The following VGLL3 variants were observed in gnomAD, a reference collection of about 807,000 sequenced individuals.
VGLL3 encodes transcription cofactor vestigial-like protein 3.
VGLL3 carries 18 observed loss-of-function variants against 29.2 expected under a neutral mutation model. The ratio of observed to expected loss-of-function variants is 0.62; its 90% CI spans 0.43 to 0.91. VGLL3 has a LOEUF of 0.91. Ranked by LOEUF, VGLL3 falls within the 40% of genes least tolerant of loss-of-function variation. VGLL3 has a pLI of 0.00. For synonymous variants in VGLL3, 180 were observed against 151.8 expected (o/e 1.19, Z -1.36); for missense variants, 440 against 413.2 (o/e 1.06, Z -0.56).
intron 1 of VGLL3, among the ~76,000 whole-genome samples, 188 bp from the exon 2 acceptor site, chr3:86,978,990 A>T (rs1218118332): frequency 1.3e-5 from 2 of 152,208 alleles, no homozygotes; most frequent in Non-Finnish European, 1.5e-5. Flanking sequence ...ACTAAAAAAA[A>T]TACAACAAAA....
intron 2 of VGLL3, among the ~76,000 whole-genome samples, chr3:86,976,114 C>CA (rs534327126): frequency 2.1e-4 from 31 of 145,204 alleles, no homozygotes; most frequent in South Asian, 4.4e-4. Context: ...AACTCCATCT[C>CA]AAAAAAAAAA....
rs1400663701 is a variant in VGLL3 at position 86,940,273 on chromosome 3, T to G, written c.*6751A>C. Reference sequence around the variant, plus strand: ...TCGTAGAAAAGTTTTTGTTTGTTTTTTCATACTACTTATGGCAGAGTCCCT... The same window carrying G: ...TCGTAGAAAAGTTTTTGTTTGTTTTGTCATACTACTTATGGCAGAGTCCCT... On this transcript the variant is annotated 3_prime_UTR_variant, in exon 4 of 4. Coordinates refer to ENST00000398399, the MANE Select transcript of VGLL3 (RefSeq NM_016206.4). The G allele has an allele frequency of 1.3e-5, 2 of 152,528 alleles. No homozygotes were observed. The highest frequency in any genetic ancestry group is 6.5e-5 in the Admixed American group (1 of 15,280). The allele number at this position is 152,528 out of a possible 1,614,324, so 9.4% of individuals were successfully genotyped here. A position where few individuals can be genotyped will look rare whatever the true frequency, so the allele number is the denominator to read the frequency against.
In VGLL3 at chr3:86,940,749, G is replaced by A. The variant is rs1428160252; in HGVS notation, c.*6275C>T. Reference sequence around the variant, plus strand: ...ATATTATGAGACCTGCATTTGAAGAGTGAATAGAAATAAGAAAATGTTTTC... The same window carrying A: ...ATATTATGAGACCTGCATTTGAAGAATGAATAGAAATAAGAAAATGTTTTC... On this transcript the variant is annotated 3_prime_UTR_variant, in exon 4 of 4. Coordinates refer to ENST00000398399, the MANE Select transcript of VGLL3 (RefSeq NM_016206.4). 6.6e-6 allele frequency: 1 copy of A among 151,808 alleles called. No homozygotes were observed. Among genetic ancestry groups the A allele is most frequent in the East Asian group, 1.9e-4 (1 of 5,194 alleles). 9.4% of individuals were successfully genotyped at this position (151,808 alleles called of 1,614,324 possible).
intron 3 of VGLL3, chr3:86,962,175 A>T (rs1309143341): frequency 2.0e-6 from 2 of 985,278 alleles, no homozygotes; most frequent in Non-Finnish European, 2.4e-6. Context: ...AGCATTTTTC[A>T]CGTGGAGGGC....
At chr3:86,955,257 A>T (rs1168608893) in intron 3 of VGLL3, among the ~76,000 whole-genome samples, 1 of 152,224 alleles carries the variant, frequency 6.6e-6, no homozygotes, top group East Asian at 1.9e-4. Context: ...CCTATTTGAT[A>T]TAAGTAATCA....
At chr3:86,948,760 T>C (rs542281114) in intron 3 of VGLL3, among the ~76,000 whole-genome samples, 1 of 152,218 alleles carries the variant, frequency 6.6e-6, no homozygotes, top group East Asian at 1.9e-4. Context: ...AAGCAATAGT[T>C]TTCCTTTCCC....
intron 3 of VGLL3, among the ~76,000 whole-genome samples, chr3:86,957,153 T>C (rs1309370266): frequency 1.3e-5 from 2 of 152,228 alleles, no homozygotes; most frequent in Non-Finnish European, 2.9e-5. Context: ...TGTTCAAATG[T>C]ATAAAAATGT....
intron 3 of VGLL3, 44 bp downstream of exon 3, chr3:86,968,546 T>C (rs1705011134): frequency 1.3e-6 from 2 of 1,539,692 alleles, no homozygotes; most frequent in East Asian, 2.3e-5. Flanking sequence ...CTTTCTTAAA[T>C]TAACTTTATC....
chr3:86,985,393 C>T lies in VGLL3; in HGVS notation c.126+5225G>A, dbSNP rs556766642. ...CTCCAATGACAAGTGTTTTGGCATA[C>T]TGAAATCATTTGGTTTTAAGGAGAA... On this transcript the variant is annotated intron_variant, in intron 1 of 3. Transcript: ENST00000398399. Among the ~76,000 whole-genome samples the T allele has an allele frequency of 1.8e-4, 27 of 152,292 alleles. No individual in the cohort carries two copies. The South Asian group carries it at 5.6e-3, about 32-fold the overall frequency.
intron 2 of VGLL3, among the ~76,000 whole-genome samples, chr3:86,972,705 C>A (rs1031834109): frequency 2.0e-5 from 3 of 152,072 alleles, no homozygotes; most frequent in Admixed American, 6.5e-5. Flanking sequence ...GAAGAAAATA[C>A]AATACTTTAT....
intron 3 of VGLL3, among the ~76,000 whole-genome samples, chr3:86,958,004 T>A (rs1406619171): frequency 1.3e-5 from 2 of 152,180 alleles, no homozygotes; most frequent in Non-Finnish European, 2.9e-5. Context: ...GATATGTACG[T>A]GCACATACGA....
rs370812575 is a variant in VGLL3, at chr3:86,973,072, A to AAC, written c.404-3951_404-3950dup. Among the ~76,000 whole-genome samples the AAC allele has an allele frequency of 4.0e-3, 593 of 148,112 alleles. 6 individuals carry two copies. Among genetic ancestry groups the AAC allele is most frequent in the African/African-American group, 0.014 (555 of 38,304 alleles). ...CTGATTGTAAATGTCTCTTAAAAAA[A>AAC]ACACACACACACACACATTACCTCC... On this transcript the variant is annotated intron_variant, in intron 2 of 3. Transcript: ENST00000398399.
intron 3 of VGLL3, among the ~76,000 whole-genome samples, chr3:86,961,362 T>C (rs1458466531): frequency 6.6e-6 from 1 of 152,172 alleles, no homozygotes; most frequent in Non-Finnish European, 1.5e-5. Flanking sequence ...TAAACTTGGC[T>C]GGAATGTACA....
intron 3 of VGLL3, among the ~76,000 whole-genome samples, chr3:86,960,502 A>T (rs983857596): frequency 6.6e-6 from 1 of 152,164 alleles, no homozygotes; most frequent in Non-Finnish European, 1.5e-5. Context: ...CACAGATTAG[A>T]GAGTAAAGTT....
chr3:86,978,642 C>T lies in VGLL3; in HGVS notation c.287G>A (p.Gly96Glu), dbSNP rs267599942. The change falls in exon 2 of 4, where the codon GGA (glycine) becomes GAA (glutamate). Residue 96 changes from glycine (G) to glutamate (E), a missense_variant. Physicochemically the swap from Gly to Glu is moderately conservative, Grantham distance 98 (BLOSUM62 -2). Transcript: ENST00000398399. ...TTCATCCACTACTGACCCAATGTCTCCCTGGAAATAAGTGAAAAGGACACA... is the reference window on the plus strand; with the variant it reads ...TTCATCCACTACTGACCCAATGTCTTCCTGGAAATAAGTGAAAAGGACACA... ...SRCVLFTYFQ[G>E]DIGSVVDEHF... 1 of 1,614,130 alleles carries T rather than the reference C, an allele frequency of 6.2e-7. No individual in the cohort carries two copies. The highest frequency in any genetic ancestry group is 1.1e-5 in the South Asian group (1 of 91,074).
chr3:86,951,339 C>G (rs1199727198), intron 3 of VGLL3, among the ~76,000 whole-genome samples: 3 of 152,150 alleles, frequency 2.0e-5, no homozygotes, highest in African/African-American at 7.2e-5. Flanking sequence ...ATCAAGTTTT[C>G]TGGTTCACAG....
chr3:86,960,909 T>C (rs1266645565), intron 3 of VGLL3, among the ~76,000 whole-genome samples: 3 of 146,284 alleles, frequency 2.1e-5, no homozygotes, highest in African/African-American at 5.1e-5. Context: ...CTGCGAAATA[T>C]TAGGTTATGC....
At chr3:86,957,478 A>T (rs77625672) in intron 3 of VGLL3, among the ~76,000 whole-genome samples, 1 of 152,350 alleles carries the variant, frequency 6.6e-6, no homozygotes, top group East Asian at 1.9e-4. Flanking sequence ...TTCATTCTGT[A>T]TCATGTATCA....
In VGLL3 at chr3:86,940,699, T is replaced by G. The variant is rs1704376961; in HGVS notation, c.*6325A>C. On this transcript the variant is annotated 3_prime_UTR_variant, in exon 4 of 4. Coordinates refer to ENST00000398399, the MANE Select transcript of VGLL3 (RefSeq NM_016206.4). ...TGACATATGTTTTTATTACAAAGTC[T>G]TCCATCATCTTATATCATTGACACA... is the stretch of plus-strand genomic sequence containing the variant. The G allele has an allele frequency of 6.6e-6, 1 of 152,138 alleles. No homozygotes were observed. The highest frequency in any genetic ancestry group is 2.4e-5 in the African/African-American group (1 of 41,462). The allele number at this position is 152,138 out of a possible 1,614,324, so 9.4% of individuals were successfully genotyped here.
Sources: gnomAD v4.1 joint callset for allele counts (sites outside exome capture counted in the v4.1 genomes callset) on GRCh38, gnomAD v4.1.1 for gene constraint, MANE v1.5 for transcripts, NCBI Gene and HGNC (gene_info 2026-07-23, HGNC 2026-07-21) for gene names.